TMEM132C: variants seen among roughly 807,000 people sequenced by gnomAD.
TMEM132C encodes transmembrane protein 132C, also known as protein phosphatase 1, regulatory subunit 152.
A neutral mutation model predicts 61.4 loss-of-function variants in TMEM132C; 29 were observed. The observed-to-expected ratio is 0.47, with a 90% CI of 0.35 to 0.64. The LOEUF is 0.64. Ranked by LOEUF, TMEM132C falls within the 30% of genes least tolerant of loss-of-function variation. The pLI is 0.00. For missense variants in TMEM132C, 1,408 were observed against 1,476.9 expected (o/e 0.95, Z 0.76); for synonymous variants, 656 against 633.1 (o/e 1.04, Z -0.54).
chr12:128,523,908 G>A (rs1872995896), intron 2 of TMEM132C, among the ~76,000 whole-genome samples: 1 of 151,714 alleles, frequency 6.6e-6, no homozygotes, highest in Admixed American at 6.6e-5. Context: ...AGCCACTCAG[G>A]AGGCTGAGGT....
intron 1 of TMEM132C, among the ~76,000 whole-genome samples, chr12:128,291,961 A>G (rs369346948): frequency 6.6e-5 from 10 of 152,002 alleles, no homozygotes; most frequent in South Asian, 2.1e-4. Flanking sequence ...CCTGGTTTGC[A>G]CCCTGCCCCA....
chr12:128,522,494 T>C (rs983865211), intron 2 of TMEM132C, among the ~76,000 whole-genome samples: 2 of 152,238 alleles, frequency 1.3e-5, no homozygotes, highest in African/African-American at 4.8e-5. Flanking sequence ...TCATTTTCCA[T>C]TGGAGCTCAG....
intron 5 of TMEM132C, among the ~76,000 whole-genome samples, chr12:128,693,002 A>G (rs183711690): frequency 6.6e-6 from 1 of 152,302 alleles, no homozygotes; most frequent in East Asian, 1.9e-4. Flanking sequence ...CACATAACGA[A>G]CACGTATTAT....
chr12:128,399,088 TATA>T (rs1273260364), intron 1 of TMEM132C, among the ~76,000 whole-genome samples: 1 of 152,216 alleles, frequency 6.6e-6, no homozygotes, highest in Non-Finnish European at 1.5e-5. Flanking sequence ...TTGTCATTAA[TATA>T]ATCATTCTAA....
chr12:128,446,755 A>G (rs1178968270), intron 2 of TMEM132C, among the ~76,000 whole-genome samples: 3 of 152,200 alleles, frequency 2.0e-5, no homozygotes, highest in Non-Finnish European at 4.4e-5. Flanking sequence ...TCCAACCTGC[A>G]TTCAGTCATT....
chr12:128,499,359 G>A (rs1284389219), intron 2 of TMEM132C, among the ~76,000 whole-genome samples: 2 of 152,100 alleles, frequency 1.3e-5, no homozygotes, highest in Non-Finnish European at 2.9e-5. Flanking sequence ...TCAAATTAGG[G>A]TAATTGGGGT....
rs55729184 is a variant in TMEM132C, at chr12:128,347,397, G to GTCTC, written c.86-67296_86-67293dup. Among the ~76,000 whole-genome samples, 339 of 135,516 alleles carry GTCTC rather than the reference G, an allele frequency of 2.5e-3. 4 individuals carry two copies. Among genetic ancestry groups the GTCTC allele is most frequent in the African/African-American group, 5.1e-3 (167 of 32,894 alleles). The allele number at this position is 135,516 out of a possible 152,430, so 88.9% of individuals were successfully genotyped here. On this transcript the variant is annotated intron_variant, in intron 1 of 8. Transcript: ENST00000435159. The stretch of plus-strand genomic sequence containing the variant: ...TGCTGCCATAAGCATGCATATGTAT[G>GTCTC]TCTCTCTCTCTCTCTCTCTCTCTCT...
intron 4 of TMEM132C, among the ~76,000 whole-genome samples, chr12:128,646,316 T>C (rs1011850318): frequency 1.2e-4 from 18 of 151,914 alleles, no homozygotes; most frequent in African/African-American, 4.4e-4. Flanking sequence ...CAGCGTTGGA[T>C]GTGAGTGTGT....
chr12:128,367,489 C>T (rs367554072), intron 1 of TMEM132C, among the ~76,000 whole-genome samples: 1 of 152,174 alleles, frequency 6.6e-6, no homozygotes, highest in East Asian at 1.9e-4. Flanking sequence ...TGTGCATAGT[C>T]AACAGTCCCA....
Position 128,267,483 on chromosome 12 carries a change from C to T in TMEM132C, c.81C>T (p.Gly27=). Residue 27 remains glycine, a synonymous_variant, in exon 1 of 9, where the codon GGC becomes GGT. Transcript: ENST00000435159. ...GCCTGCTGCTGGGCGCGCTGCTGGG[C>T]AAAGGTAAGGCCGGGGCGGGTGCCT... ...ALSLLLGALL[G]KVIEGHGVTD... 7.9e-7 allele frequency: 1 copy of T among 1,265,276 alleles called. No individual in the cohort carries two copies. The highest frequency in any genetic ancestry group is 9.9e-7 in the Non-Finnish European group (1 of 1,007,938). 78.4% of individuals were successfully genotyped at this position (1,265,276 alleles called of 1,614,324 possible). A position where few individuals can be genotyped will look rare whatever the true frequency, so the allele number is the denominator to read the frequency against.
chr12:128,390,655 C>T (rs1004602521), intron 1 of TMEM132C, among the ~76,000 whole-genome samples: 45 of 152,288 alleles, frequency 3.0e-4, no homozygotes, highest in African/African-American at 9.9e-4. Context: ...GAGGCCCTCT[C>T]TAGGAGAGGG....
At chr12:128,688,330 T>C (rs1260308549) in intron 5 of TMEM132C, among the ~76,000 whole-genome samples, 1 of 152,178 alleles carries the variant, frequency 6.6e-6, no homozygotes, top group African/African-American at 2.4e-5. Context: ...CCTCTCCATC[T>C]TGGATGAGCC....
At chr12:128,316,701 A>T (rs750795561) in intron 1 of TMEM132C, among the ~76,000 whole-genome samples, 91 of 152,252 alleles carry the variant, frequency 6.0e-4, no homozygotes, top group Non-Finnish European at 1.2e-3. Flanking sequence ...TATTTTTAAC[A>T]GCTTTTTATT....
intron 1 of TMEM132C, among the ~76,000 whole-genome samples, chr12:128,275,001 C>T (rs776000189): frequency 1.3e-5 from 2 of 152,116 alleles, no homozygotes; most frequent in African/African-American, 4.8e-5. Context: ...GGATTTTCCT[C>T]CCAGAGAAAA....
At chr12:128,294,818 C>T (rs1042236598) in intron 1 of TMEM132C, among the ~76,000 whole-genome samples, 5 of 152,126 alleles carry the variant, frequency 3.3e-5, no homozygotes, top group African/African-American at 9.7e-5. Context: ...CTCCTAAGAC[C>T]TCCATTCTGA....
At chr12:128,387,546 T>G (rs1219599582) in intron 1 of TMEM132C, among the ~76,000 whole-genome samples, 2 of 152,160 alleles carry the variant, frequency 1.3e-5, no homozygotes, top group Non-Finnish European at 2.9e-5. Context: ...GCACGGTGGC[T>G]CACACCTGTA....
intron 3 of TMEM132C, among the ~76,000 whole-genome samples, chr12:128,566,591 G>T (rs56348768): frequency 2.8e-4 from 42 of 152,258 alleles, no homozygotes; most frequent in Non-Finnish European, 3.5e-4. Context: ...GACATAAAAC[G>T]CCCATGAAAT....
chr12:128,490,059 A>G (rs920107290), intron 2 of TMEM132C, among the ~76,000 whole-genome samples: 3 of 152,172 alleles, frequency 2.0e-5, no homozygotes, highest in African/African-American at 7.2e-5. Context: ...ATATAATCCC[A>G]ACTGAATTCC....
At chr12:128,689,065 G>A (rs188274598) in intron 5 of TMEM132C, among the ~76,000 whole-genome samples, 18 of 151,954 alleles carry the variant, frequency 1.2e-4, no homozygotes, top group African/African-American at 3.9e-4. Context: ...TGATCCGCCC[G>A]CCTCAGCCTC....
Sources: allele counts gnomAD v4.1 joint callset (sites outside exome capture counted in the v4.1 genomes callset), GRCh38; gene constraint gnomAD v4.1.1; transcripts MANE v1.5; gene names NCBI Gene and HGNC (gene_info 2026-07-23, HGNC 2026-07-21).